Variants in IQCM observed in about 807,000 individuals in gnomAD.
IQCM encodes IQ motif containing M.
Under a neutral mutation model 57.6 loss-of-function variants are expected in IQCM, and 45 were observed. The observed-to-expected ratio is 0.78, with a 90% CI of 0.62 to 1.00. The LOEUF (loss-of-function observed/expected upper bound fraction) is 1.00, where lower values mean the gene tolerates loss of function less well. IQCM is among the 50% of genes least tolerant of loss of function. IQCM has a pLI of 0.00. For missense variants in IQCM, 468 were observed against 511.6 expected, an observed-to-expected ratio of 0.91 and a Z score of 0.82; for synonymous variants, 148 against 158.9, an observed-to-expected ratio of 0.93 and a Z score of 0.51.
chr4:149,791,716 C>T (rs1338674290), intron 2 of IQCM, among the ~76,000 whole-genome samples: 1 of 152,104 alleles, frequency 6.6e-6, no homozygotes, highest in Admixed American at 6.6e-5. Flanking sequence ...AGTAACATAA[C>T]CATACTTCAT....
chr4:149,588,260 C>A (rs1311012379), intron 8 of IQCM, among the ~76,000 whole-genome samples: 1 of 151,654 alleles, frequency 6.6e-6, no homozygotes, highest in East Asian at 1.9e-4. Flanking sequence ...TATTATAGAT[C>A]AGAATTTTAT....
intron 12 of IQCM, among the ~76,000 whole-genome samples, chr4:149,494,874 G>C (rs1444470467): frequency 6.6e-6 from 1 of 152,106 alleles, no homozygotes; most frequent in East Asian, 1.9e-4. Context: ...TGACTTATGT[G>C]TCTTAAAGGT....
intron 2 of IQCM, among the ~76,000 whole-genome samples, chr4:149,805,588 A>C (rs1774001652): frequency 6.6e-6 from 1 of 152,038 alleles, no homozygotes; most frequent in Non-Finnish European, 1.5e-5. Flanking sequence ...AGATCAGATA[A>C]GGCTTTTAAA....
chr4:149,549,391 G>A (rs1748793253), intron 11 of IQCM, among the ~76,000 whole-genome samples: 1 of 151,210 alleles, frequency 6.6e-6, no homozygotes, highest in Admixed American at 6.6e-5. Context: ...AGTGGCGGGC[G>A]CCTGTAGTCC....
chr4:149,481,772 T>G (rs1300525340), intron 12 of IQCM, among the ~76,000 whole-genome samples: 2 of 143,310 alleles, frequency 1.4e-5, no homozygotes, highest in African/African-American at 5.1e-5. Flanking sequence ...TGTGATTCCA[T>G]AAAAATTTTA....
intron 7 of IQCM, among the ~76,000 whole-genome samples, chr4:149,661,523 T>C (rs918649429): frequency 2.0e-5 from 3 of 152,084 alleles, no homozygotes; most frequent in African/African-American, 4.8e-5. Flanking sequence ...TGAAGGAGCA[T>C]TGGTTTTAGT....
rs537370926 is a variant in IQCM at position 149,729,279 on chromosome 4, C to T, written c.385+3965G>A. ...GCTATTACCCTCCTTGGAGGTTGTA[C>T]GGCTTGTGTCAACCACTTCCTGATA... On this transcript the variant is annotated intron_variant, in intron 5 of 13. Transcript: ENST00000636793. 7.2e-5 allele frequency among the ~76,000 whole-genome samples: 11 copies of T among 152,258 alleles called. No homozygotes were observed. In the East Asian group the frequency reaches 9.7e-4, roughly 13 times the overall value.
intron 13 of IQCM, among the ~76,000 whole-genome samples, chr4:149,356,871 C>T (rs1255386141): frequency 1.3e-5 from 2 of 152,144 alleles, no homozygotes; most frequent in Non-Finnish European, 2.9e-5. Context: ...TTCTTCCTAC[C>T]CATGAGCATG....
intron 7 of IQCM, among the ~76,000 whole-genome samples, chr4:149,670,940 C>CTTTTTTTTTTTTTTTTTTTT: frequency 7.0e-6 from 1 of 143,374 alleles, no homozygotes; most frequent in Non-Finnish European, 1.5e-5. Flanking sequence ...AAAATTCTCT[C>CTTTTTTTTTTTTTTTTTTTT]TTTTTTTTTT....
rs78697052 is a variant in IQCM at position 149,574,670 on chromosome 4, C to G, written c.750-10780G>C. Among the ~76,000 whole-genome samples the G allele has an allele frequency of 2.4e-3, 363 of 152,026 alleles. 10 individuals are homozygous for G. In the East Asian group the frequency reaches 0.064, roughly 27 times the overall value. On this transcript the variant is annotated intron_variant, in intron 9 of 13. Transcript: ENST00000636793. Reference sequence around the variant, plus strand: ...TGGCAAACATTTGAACAGGGAATTTCCTTTCAACTGCTAATGCTTATATGA... The same window carrying G: ...TGGCAAACATTTGAACAGGGAATTTGCTTTCAACTGCTAATGCTTATATGA...
At chr4:149,671,566 T>C (rs1399158540) in intron 7 of IQCM, among the ~76,000 whole-genome samples, 2 of 152,222 alleles carry the variant, frequency 1.3e-5, no homozygotes, top group East Asian at 1.9e-4. Flanking sequence ...CTAGTTCTGA[T>C]GTTAGGGTGT....
At chr4:149,376,592 G>A (rs1730714126) in intron 13 of IQCM, among the ~76,000 whole-genome samples, 1 of 152,054 alleles carries the variant, frequency 6.6e-6, no homozygotes, top group Admixed American at 6.6e-5. Flanking sequence ...ACAGATGATT[G>A]GGATCATCCG....
intron 7 of IQCM, among the ~76,000 whole-genome samples, chr4:149,630,045 T>C (rs1757131269): frequency 6.6e-6 from 1 of 152,194 alleles, no homozygotes; most frequent in Non-Finnish European, 1.5e-5. Context: ...TCCTATTACC[T>C]TCCCAGGAAA....
intron 12 of IQCM, among the ~76,000 whole-genome samples, chr4:149,439,562 T>A (rs957647514): frequency 6.6e-6 from 1 of 152,128 alleles, no homozygotes; most frequent in African/African-American, 2.4e-5. Context: ...CATGTGTGTG[T>A]GAGTGTGTTT....
At chr4:149,374,928 C>G (rs1327451373) in intron 13 of IQCM, among the ~76,000 whole-genome samples, 1 of 151,438 alleles carries the variant, frequency 6.6e-6, no homozygotes, top group Admixed American at 6.6e-5. Flanking sequence ...AACTAGAGGA[C>G]AAGATTATGC....
At chr4:149,645,478 G>C (rs547468572) in intron 7 of IQCM, among the ~76,000 whole-genome samples, 1 of 152,138 alleles carries the variant, frequency 6.6e-6, no homozygotes, top group African/African-American at 2.4e-5. Context: ...ACAATGTCTT[G>C]GTTAATAGTG....
At chr4:149,645,529 C>T (rs1318271090) in intron 7 of IQCM, among the ~76,000 whole-genome samples, 1 of 152,110 alleles carries the variant, frequency 6.6e-6, no homozygotes, top group Non-Finnish European at 1.5e-5. Flanking sequence ...ATCCAGGAGC[C>T]CCTCTGATGC....
intron 13 of IQCM, among the ~76,000 whole-genome samples, chr4:149,373,931 C>T (rs531693892): frequency 3.4e-4 from 52 of 152,218 alleles, no homozygotes; most frequent in African/African-American, 1.3e-3. Flanking sequence ...TTTTCTCTGC[C>T]CTCACCTTTT....
chr4:149,636,580 C>T (rs960905306), intron 7 of IQCM, among the ~76,000 whole-genome samples: 5 of 152,030 alleles, frequency 3.3e-5, no homozygotes, highest in African/African-American at 1.2e-4. Context: ...GCCACACATG[C>T]CCCACCTCTA....
Sources: gnomAD v4.1 joint callset for allele counts (sites outside exome capture counted in the v4.1 genomes callset) on GRCh38, gnomAD v4.1.1 for gene constraint, MANE v1.5 for transcripts, NCBI Gene and HGNC (gene_info 2026-07-23, HGNC 2026-07-21) for gene names.